Variants in EPHB1 observed in about 807,000 individuals in gnomAD.
EPHB1 encodes ephrin type-B receptor 1.
In EPHB1, 30 loss-of-function variants were observed where a neutral mutation model predicts 94.4. That is an observed-to-expected ratio of 0.32 (90% CI 0.24 to 0.43). The LOEUF is 0.43. Ranked by LOEUF, EPHB1 falls within the 20% of genes least tolerant of loss-of-function variation. The pLI is 1.00. For synonymous variants in EPHB1, 522 were observed against 489.1 expected (o/e 1.07, Z -0.89); for missense variants, 1,055 against 1,308.3 (o/e 0.81, Z 2.99).
intron 5 of EPHB1, among the ~76,000 whole-genome samples, chr3:135,149,904 A>G (rs1157615693): frequency 6.6e-6 from 1 of 152,118 alleles, no homozygotes; most frequent in Non-Finnish European, 1.5e-5. Context: ...TAGTGACAGG[A>G]GCGTTTCTCT....
chr3:134,864,076 C>T (rs2037321782), intron 1 of EPHB1, among the ~76,000 whole-genome samples: 2 of 152,162 alleles, frequency 1.3e-5, no homozygotes, highest in East Asian at 1.9e-4. Flanking sequence ...GTCCTCTGTC[C>T]TCTAAGAACA....
chr3:134,820,928 A>G (rs1351054424), intron 1 of EPHB1, among the ~76,000 whole-genome samples: 1 of 152,208 alleles, frequency 6.6e-6, no homozygotes, highest in Admixed American at 6.5e-5. Flanking sequence ...ATTGGCTCAC[A>G]TAATTTTGAA....
chr3:134,965,709 A>T (rs1161902117), intron 3 of EPHB1, among the ~76,000 whole-genome samples: 1 of 152,160 alleles, frequency 6.6e-6, no homozygotes, highest in African/African-American at 2.4e-5. Context: ...GAGAGAGCCT[A>T]AATTCGAGTT....
chr3:135,149,250 T>C (rs1941115250), intron 5 of EPHB1, among the ~76,000 whole-genome samples: 2 of 152,252 alleles, frequency 1.3e-5, no homozygotes, highest in South Asian at 2.1e-4. Flanking sequence ...TTTATTTTCA[T>C]TTCTTTCTCT....
chr3:134,902,982 G>A (rs1026509229), intron 1 of EPHB1, among the ~76,000 whole-genome samples: 1 of 152,196 alleles, frequency 6.6e-6, no homozygotes, highest in African/African-American at 2.4e-5. Flanking sequence ...ATTCCATGCA[G>A]ATAATGAACA....
At chr3:134,954,280 G>A (rs909854733) in intron 3 of EPHB1, among the ~76,000 whole-genome samples, 4 of 152,146 alleles carry the variant, frequency 2.6e-5, no homozygotes, top group African/African-American at 9.7e-5. Context: ...GGGGACCTTC[G>A]AGCAAAAGTG....
At chr3:134,800,511 AGACTCCTGG>A (rs143194803) in intron 1 of EPHB1, among the ~76,000 whole-genome samples, 9,982 of 152,192 alleles carry the variant, frequency 0.066, 763 homozygotes, top group African/African-American at 0.19. Context: ...AGTTTGCTAC[AGACTCCTGG>A]GTCCTAACCC....
At chr3:135,095,464 C>T (rs1188017606) in intron 3 of EPHB1, among the ~76,000 whole-genome samples, 1 of 152,200 alleles carries the variant, frequency 6.6e-6, no homozygotes, top group African/African-American at 2.4e-5. Flanking sequence ...GCTGCTGAAT[C>T]TTCCTGTAAA....
At chr3:135,237,265 T>C (rs1943677822) in intron 12 of EPHB1, among the ~76,000 whole-genome samples, 2 of 141,928 alleles carry the variant, frequency 1.4e-5, no homozygotes, top group South Asian at 4.6e-4. Flanking sequence ...CTTCTCGTAG[T>C]TCACCAAATT....
chr3:135,145,816 G>A (rs912229834), intron 5 of EPHB1, among the ~76,000 whole-genome samples: 1 of 152,042 alleles, frequency 6.6e-6, no homozygotes, highest in African/African-American at 2.4e-5. Context: ...CAACCCTGCC[G>A]AGTCACAACC....
intron 10 of EPHB1, among the ~76,000 whole-genome samples, chr3:135,181,546 G>C (rs1942151487): frequency 6.6e-6 from 1 of 152,100 alleles, no homozygotes; most frequent in African/African-American, 2.4e-5. Context: ...TACTCTGTTT[G>C]CTCGTGTTAT....
chr3:134,896,305 G>A (rs1375601972), intron 1 of EPHB1, among the ~76,000 whole-genome samples: 1 of 152,042 alleles, frequency 6.6e-6, no homozygotes, highest in African/African-American at 2.4e-5. Flanking sequence ...TTCTTTACCA[G>A]TTTTCCTTGG....
chr3:135,259,033 C>T lies in EPHB1; in HGVS notation c.2868C>T (p.Ile956=), dbSNP rs1933537357. 1 of 1,609,024 alleles carries T rather than the reference C, an allele frequency of 6.2e-7. No homozygotes were observed. Among genetic ancestry groups the T allele is most frequent in the Non-Finnish European group, 8.5e-7 (1 of 1,177,830 alleles). Residue 956 remains isoleucine (I), a synonymous_variant, in exon 16 of 16, where the codon ATC becomes ATT. Transcript: ENST00000398015. ...CTAGAGACCTCCTGAGAATAGGCATCACCTTGGCAGGCCATCAGAAGAAGA... is the reference window on the plus strand; with the variant it reads ...CTAGAGACCTCCTGAGAATAGGCATTACCTTGGCAGGCCATCAGAAGAAGA... ...MTSEDLLRIG[I]TLAGHQKKIL...
At chr3:135,087,120 A>G (rs905260813) in intron 3 of EPHB1, among the ~76,000 whole-genome samples, 2 of 152,216 alleles carry the variant, frequency 1.3e-5, no homozygotes, top group African/African-American at 4.8e-5. Context: ...GAAAAATTCC[A>G]TTAGAAAGTC....
intron 3 of EPHB1, among the ~76,000 whole-genome samples, chr3:135,071,432 G>A (rs975942095): frequency 6.6e-6 from 1 of 152,192 alleles, no homozygotes; most frequent in Non-Finnish European, 1.5e-5. Flanking sequence ...AAAAACAAAC[G>A]TAGGAGTTGA....
Position 135,068,656 on chromosome 3 carries a change from T to G in EPHB1, c.806-37792T>G, listed in dbSNP as rs556664197. The stretch of plus-strand genomic sequence containing the variant: ...GGCACAGAAGTTTTTAATTTTTTTT[T>G]TTTTGTTTTTGAGACTGAGTCTTGC... On this transcript the variant is annotated intron_variant, in intron 3 of 15. Transcript: ENST00000398015. 2.1e-3 allele frequency among the ~76,000 whole-genome samples: 313 copies of G among 146,334 alleles called. 3 individuals are homozygous for G. The highest frequency in any genetic ancestry group is 8.3e-3 in the African/African-American group (301 of 36,160).
Position 135,259,240 on chromosome 3 carries a change from A to G in EPHB1, c.*120A>G, listed in dbSNP as rs778892265. On this transcript the variant is annotated 3_prime_UTR_variant, in exon 16 of 16. Coordinates refer to ENST00000398015, the MANE Select transcript of EPHB1 (RefSeq NM_004441.5). ...CTTCTCAGCTGAGGAATGCATTTCC[A>G]TCAGTGAAGAATCAACCGGACCTGT... 1.2e-4 allele frequency: 92 copies of G among 742,692 alleles called. No individual in the cohort carries two copies. Among genetic ancestry groups the G allele is most frequent in the Non-Finnish European group, 1.8e-4 (82 of 455,688 alleles). The allele number at this position is 742,692 out of a possible 1,614,324, so 46.0% of individuals were successfully genotyped here. A position where few individuals can be genotyped will look rare whatever the true frequency, so the allele number is the denominator to read the frequency against.
chr3:135,138,588 C>A (rs893041308), intron 5 of EPHB1, among the ~76,000 whole-genome samples: 1 of 152,074 alleles, frequency 6.6e-6, no homozygotes, highest in African/African-American at 2.4e-5. Context: ...TATGCTGAAG[C>A]CAGTTCATTT....
At chr3:134,914,952 C>T (rs2038535321) in intron 1 of EPHB1, among the ~76,000 whole-genome samples, 1 of 152,122 alleles carries the variant, frequency 6.6e-6, no homozygotes, top group African/African-American at 2.4e-5. Context: ...GGATGCCTCT[C>T]TCTGCCCAGG....
Sources: gnomAD v4.1 joint callset for allele counts (sites outside exome capture counted in the v4.1 genomes callset) on GRCh38, gnomAD v4.1.1 for gene constraint, MANE v1.5 for transcripts, NCBI Gene and HGNC (gene_info 2026-07-23, HGNC 2026-07-21) for gene names.